GPR158: variants seen among roughly 807,000 people sequenced by gnomAD.
GPR158 encodes the protein metabotropic glycine receptor.
A neutral mutation model predicts 78.2 loss-of-function variants in GPR158; 30 were observed. That is an observed-to-expected ratio of 0.38 (90% confidence interval 0.29 to 0.52). The LOEUF (loss-of-function observed/expected upper bound fraction) is 0.52. GPR158 is among the 20% of genes least tolerant of loss of function. GPR158 has a pLI of 0.83. For missense variants in GPR158, 1,463 were observed against 1,523.5 expected, an observed-to-expected ratio of 0.96 and a Z score of 0.66; for synonymous variants, 581 against 591.1, an observed-to-expected ratio of 0.98 and a Z score of 0.25.
intron 8 of GPR158, 56 bp downstream of exon 8, chr10:25,589,201 T>C (rs1837309443): frequency 7.9e-7 from 1 of 1,267,236 alleles, no homozygotes; most frequent in African/African-American, 1.5e-5. Context: ...TGTGTTGCTG[T>C]TTAAATAACA....
At chr10:25,211,744 C>T (rs1466328679) in intron 1 of GPR158, among the ~76,000 whole-genome samples, 1 of 152,168 alleles carries the variant, frequency 6.6e-6, no homozygotes, top group Non-Finnish European at 1.5e-5. Flanking sequence ...TTACCTTTCG[C>T]AGTCAAGTTG....
rs564787222 is a variant in GPR158, at chr10:25,237,277, A to G, written c.1008+16120A>G. On this transcript the variant is annotated intron_variant, in intron 2 of 10. Coordinates refer to ENST00000376351, the MANE Select transcript of GPR158 (RefSeq NM_020752.3). ...CAGATAGAACCTGGTTATTCATGGA[A>G]CTCTTCCTGGTATCTGAAAACCTTC... 3.3e-5 allele frequency among the ~76,000 whole-genome samples: 5 copies of G among 151,692 alleles called. No individual in the cohort carries two copies. The East Asian group carries it at 9.7e-4, about 29-fold the overall frequency.
At chr10:25,193,074 A>C (rs1263534517) in intron 1 of GPR158, among the ~76,000 whole-genome samples, 1 of 152,172 alleles carries the variant, frequency 6.6e-6, no homozygotes, top group African/African-American at 2.4e-5. Flanking sequence ...GGTTTATCAG[A>C]ACATAAGTTG....
chr10:25,472,281 G>A (rs1383702938), intron 5 of GPR158, among the ~76,000 whole-genome samples: 1 of 151,956 alleles, frequency 6.6e-6, no homozygotes, highest in Non-Finnish European at 1.5e-5. Context: ...GTAGATGTGT[G>A]GTATTATTTC....
intron 3 of GPR158, among the ~76,000 whole-genome samples, chr10:25,399,190 T>C (rs1834408780): frequency 2.6e-5 from 4 of 152,076 alleles, no homozygotes; most frequent in Non-Finnish European, 5.9e-5. Flanking sequence ...AACCATCAGA[T>C]GTCATGAGAA....
intron 5 of GPR158, among the ~76,000 whole-genome samples, chr10:25,515,027 G>A (rs971074559): frequency 4.6e-5 from 7 of 152,078 alleles, no homozygotes; most frequent in Non-Finnish European, 8.8e-5. Flanking sequence ...TTTCCCAGGT[G>A]TTCTTTGAGC....
intron 5 of GPR158, among the ~76,000 whole-genome samples, chr10:25,502,088 A>G (rs4749042): frequency 0.33 from 49,888 of 151,996 alleles, 9,114 homozygotes; most frequent in East Asian, 0.49. Flanking sequence ...GGAAGATTAC[A>G]GGCTCTAATT....
At chr10:25,276,787 G>A (rs2130748828) in intron 2 of GPR158, among the ~76,000 whole-genome samples, 1 of 152,134 alleles carries the variant, frequency 6.6e-6, no homozygotes, top group Middle Eastern at 3.4e-3. Flanking sequence ...AAACTCACCT[G>A]AACCAATTCC....
chr10:25,229,748 G>T (rs1853423588), intron 2 of GPR158, among the ~76,000 whole-genome samples: 1 of 152,080 alleles, frequency 6.6e-6, no homozygotes, highest in Non-Finnish European at 1.5e-5. Context: ...GGATGTATGG[G>T]GTATTTTAGA....
chr10:25,451,698 T>C (rs184120392), intron 4 of GPR158, among the ~76,000 whole-genome samples: 1 of 152,304 alleles, frequency 6.6e-6, no homozygotes, highest in African/African-American at 2.4e-5. Flanking sequence ...ATCCTCAGGC[T>C]TTTTCAATTA....
chr10:25,195,310 A>G (rs1852829361), intron 1 of GPR158, among the ~76,000 whole-genome samples: 1 of 152,014 alleles, frequency 6.6e-6, no homozygotes, highest in Non-Finnish European at 1.5e-5. Context: ...GGTTCAAGCA[A>G]GTCTCATGCC....
At chr10:25,569,560 C>G (rs1414046) in intron 6 of GPR158, among the ~76,000 whole-genome samples, 45,105 of 151,998 alleles carry the variant, frequency 0.3, 12,295 homozygotes, top group African/African-American at 0.7. Flanking sequence ...CTTGAAAACT[C>G]CCTAGGAGTT....
intron 2 of GPR158, among the ~76,000 whole-genome samples, chr10:25,357,121 C>A (rs1164247904): frequency 6.6e-6 from 1 of 152,082 alleles, no homozygotes. Context: ...ATTTGTGGAA[C>A]TTTGAACCTG....
intron 2 of GPR158, among the ~76,000 whole-genome samples, chr10:25,317,382 C>T (rs1385228360): frequency 6.6e-6 from 1 of 151,972 alleles, no homozygotes; most frequent in Non-Finnish European, 1.5e-5. Flanking sequence ...AGCTCACTTT[C>T]ATTTTCTTCA....
intron 2 of GPR158, among the ~76,000 whole-genome samples, chr10:25,350,565 G>A (rs1019166490): frequency 1.3e-5 from 2 of 151,964 alleles, no homozygotes; most frequent in East Asian, 3.9e-4. Flanking sequence ...AATTTTAAAA[G>A]GATTGTCAGG....
intron 2 of GPR158, among the ~76,000 whole-genome samples, chr10:25,392,642 G>A (rs1834315894): frequency 2.0e-5 from 3 of 152,132 alleles, no homozygotes. Context: ...CTAAACATTA[G>A]TTGAGCATCA....
intron 2 of GPR158, among the ~76,000 whole-genome samples, chr10:25,336,196 TA>T (rs1204953594): frequency 6.6e-6 from 1 of 152,066 alleles, no homozygotes; most frequent in East Asian, 1.9e-4. Flanking sequence ...GTACATATCA[TA>T]AAAAAGACAC....
intron 2 of GPR158, among the ~76,000 whole-genome samples, chr10:25,246,366 A>T (rs985137756): frequency 1.3e-5 from 2 of 152,204 alleles, no homozygotes; most frequent in African/African-American, 4.8e-5. Flanking sequence ...ATAATAAATC[A>T]TCACTGTTTC....
chr10:25,392,670 T>C (rs1056955840), intron 2 of GPR158, among the ~76,000 whole-genome samples: 1 of 152,214 alleles, frequency 6.6e-6, no homozygotes, highest in Non-Finnish European at 1.5e-5. Flanking sequence ...TACAGTTTTT[T>C]TTTTAAACTA....
Sources: allele counts gnomAD v4.1 joint callset (sites outside exome capture counted in the v4.1 genomes callset), GRCh38; gene constraint gnomAD v4.1.1; transcripts MANE v1.5; gene names NCBI Gene and HGNC (gene_info 2026-07-23, HGNC 2026-07-21).